PTCH1: variants seen among roughly 807,000 people sequenced by gnomAD.
PTCH1 encodes protein patched homolog 1.
A neutral mutation model predicts 144.6 loss-of-function variants in PTCH1; 14 were observed. That is an observed-to-expected ratio of 0.10 (90% CI 0.06 to 0.15). The LOEUF (loss-of-function observed/expected upper bound fraction) is 0.15. Ranked by LOEUF, PTCH1 falls within the 10% of genes least tolerant of loss-of-function variation. PTCH1 has a pLI of 1.00. For synonymous variants in PTCH1, 833 were observed against 793.6 expected, an observed-to-expected ratio of 1.05 and a Z score of -0.83; for missense variants, 1,623 against 1,948.3, an observed-to-expected ratio of 0.83 and a Z score of 3.14.
At chr9:95,488,162 A>C (rs1162384124) in intron 2 of PTCH1, among the ~76,000 whole-genome samples, 1 of 152,222 alleles carries the variant, frequency 6.6e-6, no homozygotes. Context: ...ATTTTCTACA[A>C]GATATAAAAT....
At chr9:95,469,552 T>C (rs1201507426) in intron 13 of PTCH1, among the ~76,000 whole-genome samples, 1 of 152,174 alleles carries the variant, frequency 6.6e-6, no homozygotes, top group Non-Finnish European at 1.5e-5. Context: ...ATCGGCAACA[T>C]CAGTTCATGA....
intron 2 of PTCH1, among the ~76,000 whole-genome samples, chr9:95,497,507 G>A (rs1248059369): frequency 1.3e-5 from 2 of 152,164 alleles, no homozygotes; most frequent in Non-Finnish European, 2.9e-5. Flanking sequence ...GGCTTGGAAG[G>A]TGCACCCACC....
intron 2 of PTCH1, chr9:95,503,212 T>A (rs962446495): frequency 6.6e-6 from 1 of 152,238 alleles, no homozygotes; most frequent in African/African-American, 2.4e-5. Context: ...GAAAGCAGCA[T>A]CTAACAGATT....
chr9:95,490,510 CCTT>C (rs1198182460), intron 2 of PTCH1, among the ~76,000 whole-genome samples: 2 of 137,976 alleles, frequency 1.4e-5, no homozygotes, highest in Admixed American at 7.1e-5. Context: ...AAAAACAAAA[CCTT>C]CTATGTGACA....
intron 2 of PTCH1, among the ~76,000 whole-genome samples, chr9:95,505,556 A>C (rs961339563): frequency 2.0e-5 from 3 of 152,192 alleles, no homozygotes; most frequent in African/African-American, 7.2e-5. Context: ...CAAGAACCCC[A>C]AAACTGAGGA....
At chr9:95,467,015 G>A (rs2274693) in intron 15 of PTCH1, 101 bp downstream of exon 15, 288,059 of 1,303,660 alleles carry the variant, frequency 0.22, 33,518 homozygotes, top group African/African-American at 0.27. Context: ...ACACGTCAGT[G>A]TTACATTCTA....
intron 2 of PTCH1, among the ~76,000 whole-genome samples, chr9:95,494,089 C>A (rs1011739613): frequency 6.6e-6 from 1 of 152,012 alleles, no homozygotes; most frequent in Admixed American, 6.5e-5. Flanking sequence ...CGCACGGGAC[C>A]GCACGGGGCA....
intron 2 of PTCH1, among the ~76,000 whole-genome samples, chr9:95,499,895 C>T (rs982320887): frequency 4.6e-5 from 7 of 151,904 alleles, no homozygotes; most frequent in East Asian, 1.9e-4. Context: ...CCCCTTTCTC[C>T]GCCCAATTGT....
chr9:95,506,147 G>A (rs1247976575), intron 2 of PTCH1: 3 of 256,764 alleles, frequency 1.2e-5, no homozygotes, highest in East Asian at 8.1e-5. Context: ...GTCCCGGAGG[G>A]GCCCCGCGCC....
chr9:95,475,893 A>T, intron 12 of PTCH1, 141 bp downstream of exon 12: 3 of 1,329,924 alleles, frequency 2.3e-6, no homozygotes, highest in Non-Finnish European at 2.1e-6. Context: ...GCATCCACCC[A>T]GTTAAACAGA....
upstream of PTCH1, among the ~76,000 whole-genome samples, chr9:95,512,109 A>C (rs756494493): frequency 3.3e-5 from 5 of 152,218 alleles, no homozygotes; most frequent in East Asian, 1.9e-4. Context: ...ACGCGGCTGC[A>C]TGTCCTCTGG....
intron 16 of PTCH1, 75 bp from the exon 17 acceptor site, chr9:95,459,858 A>C: frequency 1.3e-6 from 2 of 1,505,144 alleles, no homozygotes; most frequent in Non-Finnish European, 1.8e-6. Flanking sequence ...GAGAGCACAG[A>C]AGCTGAGCTT....
At chr9:95,462,279 C>T (rs1489530567) in intron 15 of PTCH1, among the ~76,000 whole-genome samples, 1 of 152,178 alleles carries the variant, frequency 6.6e-6, no homozygotes, top group African/African-American at 2.4e-5. Context: ...CTCCTCCTTT[C>T]GCCCCATGAC....
In PTCH1 at chr9:95,453,564, G is replaced by A; in HGVS notation, c.3363C>T (p.His1121=). Residue 1121 remains histidine (H), a synonymous_variant, in exon 20 of 24, where the codon CAC becomes CAT. Coordinates refer to ENST00000331920, the MANE Select transcript of PTCH1 (RefSeq NM_000264.5). ...KNRRAVLALE[H]MFAPVLDGAV... is the part of the protein sequence containing the mutation. ...CGCCATCCAGGACGGGTGCAAACAT[G>A]TGCTCCAGGGCAAGCACAGCCCTGC... The A allele has an allele frequency of 6.2e-7, 1 of 1,614,076 alleles. No homozygotes were observed. Among genetic ancestry groups the A allele is most frequent in the South Asian group, 1.1e-5 (1 of 91,088 alleles).
chr9:95,516,965 T>A, exon 1 of PTCH1: 2 of 587,384 alleles, frequency 3.4e-6, no homozygotes, highest in Non-Finnish European at 5.4e-6. Flanking sequence ...CCCTCCTGGG[T>A]AAACAGGCGC....
chr9:95,506,326 A>T, intron 2 of PTCH1, 81 bp downstream of exon 2: 1 of 1,476,032 alleles, frequency 6.8e-7, no homozygotes. Flanking sequence ...GCCAGGCTCT[A>T]GGTGTGCGCT....
chr9:95,515,052 C>A (rs986218631), intron 1 of PTCH1, among the ~76,000 whole-genome samples: 3 of 151,856 alleles, frequency 2.0e-5, no homozygotes, highest in Admixed American at 6.6e-5. Context: ...ACAACTTGGG[C>A]ACTCCATGCA....
Position 95,485,602 on chromosome 9 carries a change from C to T in PTCH1, c.584+83G>A. The T allele has an allele frequency of 2.6e-6, 4 of 1,542,800 alleles. No individual in the cohort carries two copies. In the South Asian group the frequency reaches 4.5e-5, roughly 18 times the overall value. ...TGCATTTCCAGGGCAACTTCATTTA[C>T]TAAAATAACGGGGCCTAAACCAGCA... On this transcript the variant is annotated intron_variant, in intron 3 of 23. Transcript: ENST00000331920.
rs1402828019 is a variant in PTCH1, at chr9:95,469,058, T to A, written c.1943A>T (p.His648Leu). The A allele has an allele frequency of 1.2e-6, 2 of 1,613,984 alleles. No homozygotes were observed. ...RYSPPPPYSS[H>L]SFAHETQITM... The stretch of plus-strand genomic sequence containing the variant: ...AATCTGCGTTTCATGGGCAAAGCTG[T>A]GGCTGCTGTAGGGAGGTGGGGGGCT... Residue 648 changes from histidine (H) to leucine (L), a missense_variant, in exon 14 of 24, where the codon CAC becomes CTC. His to Leu is a moderately conservative substitution (Grantham distance 99, BLOSUM62 -3). Transcript: ENST00000331920.
Sources: allele counts gnomAD v4.1 joint callset (sites outside exome capture counted in the v4.1 genomes callset), GRCh38; gene constraint gnomAD v4.1.1; transcripts MANE v1.5; gene names NCBI Gene and HGNC (gene_info 2026-07-23, HGNC 2026-07-21).